CIP2A: variants seen among roughly 807,000 people sequenced by gnomAD.
The protein encoded by CIP2A is protein CIP2A.
In CIP2A, 103 loss-of-function variants were observed where a neutral mutation model predicts 110.9. That is an observed-to-expected ratio of 0.93 (90% CI 0.79 to 1.09). The LOEUF (loss-of-function observed/expected upper bound fraction) is 1.09, where lower values mean the gene tolerates loss of function less well. CIP2A is among the 50% of genes least tolerant of loss of function. CIP2A has a pLI of 0.00. For missense variants in CIP2A, 1,088 were observed against 1,038.4 expected (o/e 1.05, Z -0.66); for synonymous variants, 381 against 361.6 (o/e 1.05, Z -0.61).
Position 108,560,704 on chromosome 3 carries a change from C to T in CIP2A, c.1772G>A (p.Gly591Asp), listed in dbSNP as rs372574131. Residue 591 changes from glycine (G) to aspartate (D), a missense_variant, in exon 14 of 21, where the codon GGT (glycine) becomes GAT (aspartate). Transcript: ENST00000295746. ...TTCTTCAATATTCAATCCAGGAACACCATCTTTCAAATGAGGAGTTAAACA... is the reference window on the plus strand; with the variant it reads ...TTCTTCAATATTCAATCCAGGAACATCATCTTTCAAATGAGGAGTTAAACA... ...IKCLTPHLKDGVPGLNIEELI... is the reference protein window; with the variant it reads ...IKCLTPHLKDDVPGLNIEELI... 6.2e-6 allele frequency: 10 copies of T among 1,610,928 alleles called. No individual in the cohort carries two copies. The East Asian group carries it at 1.3e-4, about 22-fold the overall frequency.
intron 19 of CIP2A, 98 bp from the exon 20 acceptor site, chr3:108,552,471 T>A: frequency 1.5e-6 from 1 of 661,786 alleles, no homozygotes; most frequent in Non-Finnish European, 2.4e-6. Flanking sequence ...GAGAAATAAC[T>A]AGAACAAGGA....
At chr3:108,577,013 G>A (rs1938678071) in intron 7 of CIP2A, among the ~76,000 whole-genome samples, 1 of 152,144 alleles carries the variant, frequency 6.6e-6, no homozygotes, top group Non-Finnish European at 1.5e-5. Context: ...ATTAAACCCA[G>A]ACTCGAGTCT....
chr3:108,559,967 A>G lies in CIP2A; in HGVS notation c.1889T>C (p.Leu630Pro). Residue 630 changes from leucine (L) to proline (P), a missense_variant, in exon 15 of 21, where the codon CTA becomes CCA. By Grantham distance (98) the Leu-to-Pro change is moderately conservative. Transcript: ENST00000295746. ...GCTTATACTCACAGCTAATGTGGAT[A>G]GTTTCATTTCATATACATCCATTAT... is the stretch of plus-strand genomic sequence containing the variant. ...SDIMDVYEMK[L>P]STLASKESRL... The G allele has an allele frequency of 6.3e-7, 1 of 1,597,862 alleles. No homozygotes were observed. The highest frequency in any genetic ancestry group is 8.6e-7 in the Non-Finnish European group (1 of 1,166,594).
At chr3:108,561,550 T>TC (rs913097131) in intron 13 of CIP2A, among the ~76,000 whole-genome samples, 2 of 151,978 alleles carry the variant, frequency 1.3e-5, no homozygotes, top group African/African-American at 4.8e-5. Context: ...AAGCCTGTGG[T>TC]CCCCGCTACT....
chr3:108,566,197 CTGAGGCAA>C (rs1938174386), intron 11 of CIP2A, among the ~76,000 whole-genome samples: 1 of 151,610 alleles, frequency 6.6e-6, no homozygotes, highest in African/African-American at 2.4e-5. Flanking sequence ...AAATTGATTA[CTGAGGCAA>C]TGTCAAAAAG....
rs1303036231 is a variant in CIP2A, at chr3:108,553,894, T to TACAAAAAAAAAAAAAA, written c.2325-165_2325-164insTTTTTTTTTTTTTTGT. ...GGTGAAACCCCGTCTCTACTAAAAA[T>TACAAAAAAAAAAAAAA]ATAAAAAAAAAAAAAAAAAAAAAAA... On this transcript the variant is annotated intron_variant, in intron 18 of 20. Transcript: ENST00000295746. Among the ~76,000 whole-genome samples, 264 of 49,718 alleles carry TACAAAAAAAAAAAAAA rather than the reference T, an allele frequency of 5.3e-3. 108 individuals carry two copies. Among genetic ancestry groups the TACAAAAAAAAAAAAAA allele is most frequent in the African/African-American group, 0.01 (153 of 14,784 alleles). The allele number at this position is 49,718 out of a possible 152,430, so 32.6% of individuals were successfully genotyped here. A position where few individuals can be genotyped will look rare whatever the true frequency, so the allele number is the denominator to read the frequency against.
chr3:108,556,934 G>A (rs904060391), intron 17 of CIP2A, among the ~76,000 whole-genome samples: 3 of 141,718 alleles, frequency 2.1e-5, no homozygotes, highest in African/African-American at 9.4e-5. Flanking sequence ...GATCAAAACA[G>A]ACAAACTTGT....
chr3:108,574,191 A>G (rs1480590872), intron 8 of CIP2A, among the ~76,000 whole-genome samples: 3 of 152,198 alleles, frequency 2.0e-5, no homozygotes, highest in Non-Finnish European at 4.4e-5. Flanking sequence ...GCATTAAACA[A>G]ATGAGCAAGA....
chr3:108,550,057 C>T lies in CIP2A; in HGVS notation c.*1092G>A, dbSNP rs1461186468. The T allele has an allele frequency of 5.3e-5, 8 of 151,860 alleles. 1 individual carries two copies. Among genetic ancestry groups the T allele is most frequent in the Admixed American group, 5.3e-4 (8 of 15,224 alleles). 9.4% of individuals were successfully genotyped at this position (151,860 alleles called of 1,614,324 possible). On this transcript the variant is annotated 3_prime_UTR_variant, in exon 21 of 21. Coordinates refer to ENST00000295746, the MANE Select transcript of CIP2A (RefSeq NM_020890.3). ...CCAGAACTGTACAAATCTAAATTCA[C>T]TTAAATCAAACAGACATATGGTGAA...
chr3:108,580,436 AACAC>A (rs375166090), intron 5 of CIP2A, among the ~76,000 whole-genome samples: 2,682 of 142,212 alleles, frequency 0.019, 72 homozygotes, highest in African/African-American at 0.056. Context: ...CAGAAATTGA[AACAC>A]ACACACACAC....
Position 108,559,773 on chromosome 3 carries a change from G to A in CIP2A, c.1997C>T (p.Thr666Ile). 3 of 1,582,100 alleles carry A rather than the reference G, an allele frequency of 1.9e-6. No individual in the cohort carries two copies. Among genetic ancestry groups the A allele is most frequent in the Non-Finnish European group, 2.6e-6 (3 of 1,157,462 alleles). Reference sequence around the variant, plus strand: ...TCTACACACCTCTGTTTCAGCTTGAGTTCTTTGACAGCGATGCTGAGCAAT... The same window carrying A: ...TCTACACACCTCTGTTTCAGCTTGAATTCTTTGACAGCGATGCTGAGCAAT... ...RLIAQHRCQR[T>I]QAETEARTLA... The change falls in exon 16 of 21, where the codon ACT (threonine) becomes ATT (isoleucine). Residue 666 changes from threonine to isoleucine, a missense_variant. Transcript: ENST00000295746.
Position 108,569,181 on chromosome 3 carries a change from T to TATATATAC in CIP2A, c.1113+207_1113+208insGTATATAT. ...CTGAAATGAGCACTATATATATATA[T>TATATATAC]ACATACACACTACTCAGTGAAAAAA... On this transcript the variant is annotated intron_variant, in intron 9 of 20. Coordinates refer to ENST00000295746, the MANE Select transcript of CIP2A (RefSeq NM_020890.3). 2.7e-4 allele frequency among the ~76,000 whole-genome samples: 16 copies of TATATATAC among 58,282 alleles called. 1 individual carries two copies. The highest frequency in any genetic ancestry group is 6.0e-4 in the African/African-American group (13 of 21,746). The allele number at this position is 58,282 out of a possible 152,430, so 38.2% of individuals were successfully genotyped here.
At chr3:108,587,953 A>G (rs1329042226) in intron 1 of CIP2A, among the ~76,000 whole-genome samples, 2 of 151,938 alleles carry the variant, frequency 1.3e-5, no homozygotes, top group East Asian at 3.9e-4. Context: ...TAATTTTTGT[A>G]TTTTTAGTAG....
chr3:108,581,631 CA>C (rs556559445), intron 4 of CIP2A, 120 bp from the exon 5 acceptor site: 12,639 of 445,022 alleles, frequency 0.028, no homozygotes, highest in Middle Eastern at 0.048. Flanking sequence ...CTTTTACACG[CA>C]AAAAAAAAAA....
At chr3:108,580,689 C>T (rs1292515010) in intron 5 of CIP2A, among the ~76,000 whole-genome samples, 1 of 151,634 alleles carries the variant, frequency 6.6e-6, no homozygotes, top group African/African-American at 2.4e-5. Context: ...AGGGCAGTGG[C>T]GCGATCTCAG....
intron 16 of CIP2A, among the ~76,000 whole-genome samples, chr3:108,558,094 C>G (rs1937874401): frequency 6.6e-6 from 1 of 151,938 alleles, no homozygotes; most frequent in Non-Finnish European, 1.5e-5. Context: ...ATATTAAACT[C>G]TCTAATAAAA....
In CIP2A at chr3:108,589,381, C is replaced by A. The variant is rs1939235551; in HGVS notation, c.-6G>T. On this transcript the variant is annotated 5_prime_UTR_variant, in exon 1 of 21. Transcript: ENST00000295746. ...AAGCAGGCAGTGGAGTCCATTGCAC[C>A]GGCCGCGGCCCGGCTTAGGGACCAC... 1.9e-6 allele frequency: 3 copies of A among 1,606,576 alleles called. No individual in the cohort carries two copies. The highest frequency in any genetic ancestry group is 1.7e-4 in the Middle Eastern group (1 of 6,034).
chr3:108,552,959 T>C (rs1576295669), intron 19 of CIP2A, among the ~76,000 whole-genome samples: 1 of 152,026 alleles, frequency 6.6e-6, no homozygotes, highest in Non-Finnish European at 1.5e-5. Context: ...GCTACCTATT[T>C]GGTACTATGC....
At chr3:108,585,532 A>G (rs574177717) in intron 1 of CIP2A, 3 of 395,260 alleles carry the variant, frequency 7.6e-6, no homozygotes, top group South Asian at 6.5e-5. Context: ...TTCCTAAGTT[A>G]GCAAACTTTT....
Sources: allele counts gnomAD v4.1 joint callset (sites outside exome capture counted in the v4.1 genomes callset), GRCh38; gene constraint gnomAD v4.1.1; transcripts MANE v1.5; gene names NCBI Gene and HGNC (gene_info 2026-07-23, HGNC 2026-07-21).